NME9: variants seen among roughly 807,000 people sequenced by gnomAD.
The protein encoded by NME9 is NME/NM23 family member 9.
NME9 carries 48 observed loss-of-function variants against 44.4 expected under a neutral mutation model. The observed-to-expected ratio is 1.08, with a 90% confidence interval of 0.86 to 1.37. NME9 has a LOEUF of 1.37. Ranked by LOEUF, NME9 falls within the 40% of genes most tolerant of loss-of-function variation. The probability of loss-of-function intolerance (pLI) is 0.00; values close to 1 mark genes in which losing one functional copy is unlikely to be tolerated. For synonymous variants in NME9, 139 were observed against 147.1 expected, an observed-to-expected ratio of 0.94 and a Z score of 0.40; for missense variants, 325 against 405.2, an observed-to-expected ratio of 0.80 and a Z score of 1.70.
intron 6 of NME9, among the ~76,000 whole-genome samples, chr3:138,307,921 A>G (rs1397393542): frequency 2.0e-5 from 3 of 152,368 alleles, no homozygotes; most frequent in African/African-American, 4.8e-5. Context: ...GGTGCCACCA[A>G]TGAGCACCAT....
chr3:138,314,549 T>G (rs1416731800), intron 5 of NME9, 142 bp from the exon 6 acceptor site: 2 of 570,050 alleles, frequency 3.5e-6, no homozygotes, highest in Non-Finnish European at 6.2e-6. Flanking sequence ...TTGGAAACTT[T>G]ACAGGACCCT....
chr3:138,290,593 A>G (rs752028937), intron 8 of NME9: 1 of 1,607,944 alleles, frequency 6.2e-7, no homozygotes, highest in Non-Finnish European at 8.5e-7. Context: ...CATCGTAGAT[A>G]TTCTACACAA....
intron 8 of NME9, chr3:138,284,534 C>T: frequency 6.3e-7 from 1 of 1,586,230 alleles, no homozygotes. Context: ...ATGGTGAGCC[C>T]TTGTCCCCTT....
chr3:138,305,010 C>T lies in NME9; in HGVS notation c.654G>A (p.Leu218=). The T allele has an allele frequency of 1.2e-6, 2 of 1,613,954 alleles. No homozygotes were observed. Among genetic ancestry groups the T allele is most frequent in the Non-Finnish European group, 1.7e-6 (2 of 1,179,910 alleles). The stretch of plus-strand genomic sequence containing the variant: ...TTGGTCCACTGCACATGTGATGTAC[C>T]AGCTTCTCAAATGCCTCCTAGGCAC... ...HKAGEEAFEK[L]VHHMCSGPSH... Residue 218 remains leucine, a synonymous_variant, in exon 9 of 11, where the codon CTG becomes CTA. Transcript: ENST00000333911.
At chr3:138,289,239 A>G (rs2050720181) in intron 8 of NME9, 3 of 753,978 alleles carry the variant, frequency 4.0e-6, no homozygotes, top group Non-Finnish European at 6.6e-6. Context: ...CATCTGGCCC[A>G]AGCACCCTCT....
At chr3:138,270,226 T>A (rs2048661027) in intron 8 of NME9, 1 of 1,030,526 alleles carries the variant, frequency 9.7e-7, no homozygotes, top group Non-Finnish European at 1.4e-6. Flanking sequence ...ATGTCTGGAA[T>A]TTTCTTTTTC....
intron 8 of NME9, among the ~76,000 whole-genome samples, chr3:138,281,397 A>T (rs755826821): frequency 6.6e-6 from 1 of 151,148 alleles, no homozygotes; most frequent in Non-Finnish European, 1.5e-5. Flanking sequence ...GGTTTAATAG[A>T]TTCTCCTGCC....
intron 8 of NME9, chr3:138,264,051 C>T (rs960934808): frequency 7.0e-6 from 9 of 1,293,012 alleles, no homozygotes; most frequent in Admixed American, 3.6e-5. Flanking sequence ...GTACATTAGT[C>T]ATTGTAAAAT....
chr3:138,270,709 T>A (rs1365860446), intron 8 of NME9, among the ~76,000 whole-genome samples: 1 of 152,206 alleles, frequency 6.6e-6, no homozygotes, highest in Non-Finnish European at 1.5e-5. Flanking sequence ...AATGATTAAC[T>A]TGTCGAAGGT....
chr3:138,310,422 C>T (rs2052613321), intron 6 of NME9, among the ~76,000 whole-genome samples: 1 of 151,286 alleles, frequency 6.6e-6, no homozygotes, highest in Admixed American at 6.6e-5. Context: ...ACAGACCTAA[C>T]TGATATTTAC....
chr3:138,308,836 T>C (rs2052469243), intron 6 of NME9, among the ~76,000 whole-genome samples: 1 of 151,828 alleles, frequency 6.6e-6, no homozygotes, highest in Non-Finnish European at 1.5e-5. Context: ...AGACAAAATA[T>C]TTTATGGTTA....
intron 8 of NME9, among the ~76,000 whole-genome samples, chr3:138,275,618 G>A (rs1005126364): frequency 7.9e-5 from 12 of 151,968 alleles, no homozygotes; most frequent in African/African-American, 2.4e-4. Flanking sequence ...AAAGAAACTC[G>A]CCCAAGGTCA....
At chr3:138,292,391 T>C (rs1311323152) in intron 8 of NME9, among the ~76,000 whole-genome samples, 1 of 152,154 alleles carries the variant, frequency 6.6e-6, no homozygotes, top group Non-Finnish European at 1.5e-5. Context: ...GAACCATCTG[T>C]AGGAGGGCAA....
chr3:138,283,642 A>G (rs1440837782), intron 8 of NME9, among the ~76,000 whole-genome samples: 2 of 152,150 alleles, frequency 1.3e-5, no homozygotes, highest in African/African-American at 2.4e-5. Flanking sequence ...TGGTATCCCT[A>G]TCATAGTCCT....
intron 6 of NME9, among the ~76,000 whole-genome samples, chr3:138,307,871 C>T (rs1002060884): frequency 3.3e-5 from 5 of 152,168 alleles, no homozygotes; most frequent in African/African-American, 1.2e-4. Flanking sequence ...TCCCATTCTG[C>T]AGAAAAATCC....
At chr3:138,311,061 TAAC>T (rs2052668213) in intron 6 of NME9, among the ~76,000 whole-genome samples, 1 of 152,002 alleles carries the variant, frequency 6.6e-6, no homozygotes, top group African/African-American at 2.4e-5. Context: ...AATGGAGACA[TAAC>T]AACTGGAAAC....
At position 138,303,389 on chromosome 3, in the gene NME9, G is replaced by T. The variant is rs543395205; in HGVS notation, c.928+118C>A. On this transcript the variant is annotated intron_variant, in intron 10 of 10. Transcript: ENST00000333911. ...TGACCTGTATTTTCAGAACAGGACT[G>T]TATTAGGTTGAAGACTTAGTTACCA... 3.5e-4 allele frequency: 257 copies of T among 726,590 alleles called. 5 individuals are homozygous for T. The highest frequency in any genetic ancestry group is 3.5e-3 in the South Asian group (216 of 61,234). 45.0% of individuals were successfully genotyped at this position (726,590 alleles called of 1,614,324 possible). A position where few individuals can be genotyped will look rare whatever the true frequency, so the allele number is the denominator to read the frequency against.
intron 6 of NME9, among the ~76,000 whole-genome samples, chr3:138,312,677 T>C (rs2052781893): frequency 6.6e-6 from 1 of 152,154 alleles, no homozygotes; most frequent in Non-Finnish European, 1.5e-5. Flanking sequence ...GGGGAAATGC[T>C]CCAGGATATT....
intron 9 of NME9, among the ~76,000 whole-genome samples, chr3:138,304,078 C>T (rs1484578237): frequency 6.6e-6 from 1 of 152,164 alleles, no homozygotes; most frequent in Non-Finnish European, 1.5e-5. Context: ...GTGTGTCAAG[C>T]ACTACTCGGT....
Sources: allele counts gnomAD v4.1 joint callset (sites outside exome capture counted in the v4.1 genomes callset), GRCh38; gene constraint gnomAD v4.1.1; transcripts MANE v1.5; gene names NCBI Gene and HGNC (gene_info 2026-07-23, HGNC 2026-07-21).